Variants in NCOR1 observed in about 807,000 individuals in gnomAD.
NCOR1 encodes the protein protein phosphatase 1, regulatory subunit 109.
Under a neutral mutation model 288.1 loss-of-function variants are expected in NCOR1, and 63 were observed. That is an observed-to-expected ratio of 0.22 (90% CI 0.18 to 0.27). NCOR1 has a LOEUF of 0.27. Among genes scored for constraint, NCOR1 ranks in the 10% least tolerant of loss-of-function variants. NCOR1 has a pLI of 1.00. For synonymous variants in NCOR1, 1,007 were observed against 1,065.9 expected, an observed-to-expected ratio of 0.94 and a Z score of 1.08; for missense variants, 2,397 against 3,019.2, an observed-to-expected ratio of 0.79 and a Z score of 4.83.
At chr17:16,055,078 A>G (rs527601140) in intron 40 of NCOR1, among the ~76,000 whole-genome samples, 2 of 152,362 alleles carry the variant, frequency 1.3e-5, no homozygotes, top group East Asian at 3.9e-4. Flanking sequence ...TGTTGGTGGG[A>G]GTGTAAATTA....
chr17:16,081,846 T>C (rs2063460738), intron 23 of NCOR1, among the ~76,000 whole-genome samples: 1 of 152,158 alleles, frequency 6.6e-6, no homozygotes. Context: ...CTCCAACATA[T>C]TCCCTAGAAC....
rs767314945 is a variant in NCOR1, at chr17:16,080,045, T to C, written c.3420A>G (p.Gln1140=). The C allele has an allele frequency of 1.2e-6, 2 of 1,614,066 alleles. No individual in the cohort carries two copies. The highest frequency in any genetic ancestry group is 1.7e-5 in the Admixed American group (1 of 60,020). ...GAGTTCCCCGAGTTATACTTCCTTC[T>C]TGTATGGCTCCTGCGGTACCTGAAT... ...GVVRGTAGAI[Q]EGSITRGTPT... is the part of the protein sequence containing the mutation. The change falls in exon 26 of 46, where the codon CAA becomes CAG. Residue 1140 remains glutamine (Q), a synonymous_variant. Transcript: ENST00000268712.
chr17:16,136,734 G>A (rs2076460700), intron 14 of NCOR1, among the ~76,000 whole-genome samples: 1 of 150,700 alleles, frequency 6.6e-6, no homozygotes, highest in South Asian at 2.1e-4. Context: ...TTGAACCCAG[G>A]AGGCGGAGGT....
chr17:16,044,168 CAAAAAAAAA>C (rs34691717), intron 42 of NCOR1, among the ~76,000 whole-genome samples: 6 of 82,796 alleles, frequency 7.2e-5, no homozygotes, highest in Admixed American at 1.5e-4. Context: ...GACTCCATCT[CAAAAAAAAA>C]AAAAAAAAAA....
rs568627705 is a variant in NCOR1, at chr17:16,204,721, C to G, written c.-70-10082G>C. Among the ~76,000 whole-genome samples, 18 of 152,284 alleles carry G rather than the reference C, an allele frequency of 1.2e-4. No individual in the cohort carries two copies. In the East Asian group the frequency reaches 3.5e-3, roughly 29 times the overall value. On this transcript the variant is annotated intron_variant, in intron 1 of 45. Coordinates refer to ENST00000268712, the MANE Select transcript of NCOR1 (RefSeq NM_006311.4). ...ATAAATAGACTAATAAGAGTCACAG[C>G]TAACATTTATTATTTACTTACTTTG...
chr17:16,170,604 G>A (rs1164228712), intron 4 of NCOR1, among the ~76,000 whole-genome samples: 1 of 152,058 alleles, frequency 6.6e-6, no homozygotes, highest in Admixed American at 6.6e-5. Context: ...GGAGGCCGAG[G>A]TGGGCAGATC....
chr17:16,029,274 T>C lies in NCOR1; in HGVS notation c.*3022A>G, dbSNP rs1266457596. 1 of 453,094 alleles carries C rather than the reference T, an allele frequency of 2.2e-6. No homozygotes were observed. The highest frequency in any genetic ancestry group is 4.4e-6 in the Non-Finnish European group (1 of 226,518). The allele number at this position is 453,094 out of a possible 1,614,324, so 28.1% of individuals were successfully genotyped here. A position where few individuals can be genotyped will look rare whatever the true frequency, so the allele number is the denominator to read the frequency against. On this transcript the variant is annotated 3_prime_UTR_variant, in exon 46 of 46. Transcript: ENST00000268712. ...AGGACAGTCTCTTCATGTGGGTGTTTTCATTACAGTTCATTTACACTGTTG... is the reference window on the plus strand; with the variant it reads ...AGGACAGTCTCTTCATGTGGGTGTTCTCATTACAGTTCATTTACACTGTTG...
At chr17:16,125,646 G>C (rs2073885690) in intron 15 of NCOR1, among the ~76,000 whole-genome samples, 1 of 144,656 alleles carries the variant, frequency 6.9e-6, no homozygotes, top group East Asian at 2.0e-4. Flanking sequence ...AGCTTGCAGT[G>C]AGCCGAGATC....
chr17:16,059,950 CA>C (rs1567762249), intron 37 of NCOR1, among the ~76,000 whole-genome samples: 1 of 152,204 alleles, frequency 6.6e-6, no homozygotes, highest in African/African-American at 2.4e-5. Context: ...AAGAAGTTTA[CA>C]GTAATTTGTG....
chr17:16,183,230 C>CAAAAAAAAAAAA (rs59665102), intron 3 of NCOR1, among the ~76,000 whole-genome samples: 2 of 64,090 alleles, frequency 3.1e-5, no homozygotes, highest in East Asian at 4.1e-4. Flanking sequence ...AGCAATCAAA[C>CAAAAAAAAAAAA]AAAAAAAAAA....
chr17:16,136,806 C>CA (rs60523446), intron 14 of NCOR1, among the ~76,000 whole-genome samples: 3,614 of 111,582 alleles, frequency 0.032, 190 homozygotes, highest in African/African-American at 0.11. Flanking sequence ...GACTCTGTTT[C>CA]AAAAAAAAAA....
chr17:16,055,663 C>A (rs1188609210), intron 40 of NCOR1, among the ~76,000 whole-genome samples: 3 of 152,168 alleles, frequency 2.0e-5, no homozygotes, highest in Non-Finnish European at 4.4e-5. Flanking sequence ...ACATGTACTC[C>A]TGAACTTAAA....
chr17:16,044,024 C>A (rs1267428142), intron 42 of NCOR1, among the ~76,000 whole-genome samples: 1 of 151,970 alleles, frequency 6.6e-6, no homozygotes, highest in African/African-American at 2.4e-5. Flanking sequence ...ACAAAATTAG[C>A]CGGATATGGT....
chr17:16,143,723 A>T, intron 10 of NCOR1, 27 bp from the exon 11 acceptor site: 1 of 1,513,668 alleles, frequency 6.6e-7, no homozygotes, highest in Non-Finnish European at 9.1e-7. Flanking sequence ...AATTAAAAAT[A>T]TATTTAAAGA....
intron 1 of NCOR1, among the ~76,000 whole-genome samples, chr17:16,205,765 C>G (rs1429259111): frequency 6.6e-6 from 1 of 151,692 alleles, no homozygotes; most frequent in Non-Finnish European, 1.5e-5. Flanking sequence ...CAGAGAAACC[C>G]TGTCTCTACT....
rs1381202293 is a variant in NCOR1 at position 16,119,472 on chromosome 17, A to G, written c.1866T>C (p.Pro622=). Residue 622 remains proline (P), a synonymous_variant, in exon 17 of 46, where the codon CCT becomes CCC. Transcript: ENST00000268712. ...PPPPEPISTE[P]VETSRWTEEE... ...CTTCTGTCCATCGAGAGGTCTCCAC[A>G]GGCTCTGTAGAAACTAAAATAAAGA... 13 of 1,605,862 alleles carry G rather than the reference A, an allele frequency of 8.1e-6. No homozygotes were observed. The highest frequency in any genetic ancestry group is 1.1e-5 in the Non-Finnish European group (13 of 1,176,572).
chr17:16,152,422 C>T (rs1437576031), intron 7 of NCOR1, among the ~76,000 whole-genome samples: 4 of 151,956 alleles, frequency 2.6e-5, no homozygotes, highest in Non-Finnish European at 4.4e-5. Flanking sequence ...TCTGTCCTTG[C>T]GACAGTTTGC....
chr17:16,119,615 C>T, intron 16 of NCOR1, 130 bp from the exon 17 acceptor site: 1 of 548,514 alleles, frequency 1.8e-6, no homozygotes, highest in South Asian at 3.7e-5. Context: ...AAAGAAACTG[C>T]AGAAATAGGA....
In NCOR1 at chr17:16,030,078, C is replaced by A. The variant is rs540674632; in HGVS notation, c.*2218G>T. On this transcript the variant is annotated 3_prime_UTR_variant, in exon 46 of 46. Coordinates refer to ENST00000268712, the MANE Select transcript of NCOR1 (RefSeq NM_006311.4). ...GGCCTACTGCTGACCAGAAGTCTTACGGATAACATAGTCGATTGACACATA... is the reference window on the plus strand; with the variant it reads ...GGCCTACTGCTGACCAGAAGTCTTAAGGATAACATAGTCGATTGACACATA... 3 of 177,498 alleles carry A rather than the reference C, an allele frequency of 1.7e-5. No individual in the cohort carries two copies. Among genetic ancestry groups the A allele is most frequent in the Non-Finnish European group, 2.4e-5 (2 of 82,736 alleles). The allele number at this position is 177,498 out of a possible 1,614,324, so 11.0% of individuals were successfully genotyped here. A position where few individuals can be genotyped will look rare whatever the true frequency, so the allele number is the denominator to read the frequency against.
Sources: allele counts gnomAD v4.1 joint callset (sites outside exome capture counted in the v4.1 genomes callset), GRCh38; gene constraint gnomAD v4.1.1; transcripts MANE v1.5; gene names NCBI Gene and HGNC (gene_info 2026-07-23, HGNC 2026-07-21).